The following ZNF638 variants were observed in gnomAD, a reference collection of about 807,000 sequenced individuals.
ZNF638 encodes the protein zinc finger protein 638.
ZNF638 carries 46 observed loss-of-function variants against 195.6 expected under a neutral mutation model. That is an observed-to-expected ratio of 0.24 (90% CI 0.19 to 0.30). The LOEUF (loss-of-function observed/expected upper bound fraction) is 0.30, where lower values mean the gene tolerates loss of function less well. Ranked by LOEUF, ZNF638 falls within the 10% of genes least tolerant of loss-of-function variation. The probability of loss-of-function intolerance (pLI) is 1.00; values close to 1 mark genes in which losing one functional copy is unlikely to be tolerated. For synonymous variants in ZNF638, 845 were observed against 772.0 expected, an observed-to-expected ratio of 1.09 and a Z score of -1.57; for missense variants, 2,440 against 2,325.3, an observed-to-expected ratio of 1.05 and a Z score of -1.01.
intron 8 of ZNF638, among the ~76,000 whole-genome samples, chr2:71,373,216 A>G (rs2079347777): frequency 6.6e-6 from 1 of 152,122 alleles, no homozygotes; most frequent in Admixed American, 6.5e-5. Context: ...CTTTTTGATT[A>G]TTCATTAACT....
At chr2:71,339,959 A>G (rs2078736897) in intron 1 of ZNF638, among the ~76,000 whole-genome samples, 1 of 152,226 alleles carries the variant, frequency 6.6e-6, no homozygotes. Context: ...ACATGCTCCT[A>G]AGAAATAAAA....
chr2:71,354,092 C>T (rs1485164582), intron 2 of ZNF638, among the ~76,000 whole-genome samples: 1 of 152,178 alleles, frequency 6.6e-6, no homozygotes, highest in Non-Finnish European at 1.5e-5. Flanking sequence ...TAGTTCTTGC[C>T]AAGGCAGAAT....
intron 20 of ZNF638, among the ~76,000 whole-genome samples, chr2:71,412,713 G>C (rs2080251412): frequency 1.4e-5 from 1 of 73,288 alleles, no homozygotes; most frequent in African/African-American, 5.9e-5. Flanking sequence ...AGTTTTCCCA[G>C]CACCATTTAT....
chr2:71,371,596 C>G (rs2079314471), intron 8 of ZNF638, among the ~76,000 whole-genome samples: 4 of 152,086 alleles, frequency 2.6e-5, no homozygotes, highest in Non-Finnish European at 5.9e-5. Flanking sequence ...CTGTGATGAT[C>G]AGTGATGTTG....
chr2:71,355,898 A>G (rs1309024361), intron 3 of ZNF638, 118 bp downstream of exon 3: 5 of 503,232 alleles, frequency 9.9e-6, no homozygotes, highest in Non-Finnish European at 1.7e-5. Flanking sequence ...TTGGAAAGCT[A>G]TTGTCTTTTA....
At chr2:71,408,697 C>T (rs1463489579) in intron 20 of ZNF638, 1 of 440,320 alleles carries the variant, frequency 2.3e-6, no homozygotes, top group Non-Finnish European at 4.6e-6. Context: ...TGTAGGAAAG[C>T]TATGGATAGT....
chr2:71,353,078 G>A (rs1423045690), intron 2 of ZNF638, among the ~76,000 whole-genome samples: 1 of 152,024 alleles, frequency 6.6e-6, no homozygotes, highest in African/African-American at 2.4e-5. Flanking sequence ...TTGCAGCCTC[G>A]TAAGTGTTCC....
intron 21 of ZNF638, 43 bp from the exon 22 acceptor site, chr2:71,422,767 TTGTG>T: frequency 1.3e-6 from 2 of 1,553,668 alleles, no homozygotes; most frequent in South Asian, 2.4e-5. Flanking sequence ...TGATTTTTGT[TTGTG>T]TTTTTGTTTG....
chr2:71,374,996 C>T (rs191464692), intron 8 of ZNF638: 27 of 152,056 alleles, frequency 1.8e-4, no homozygotes, highest in Admixed American at 1.4e-3. Context: ...TTTTTTTTTC[C>T]ATAAAGTTCT....
chr2:71,339,116 G>A lies in ZNF638; in HGVS notation c.-203+7241G>A, dbSNP rs186012631. 2.0e-5 allele frequency among the ~76,000 whole-genome samples: 3 copies of A among 151,106 alleles called. No individual in the cohort carries two copies. In the East Asian group the frequency reaches 5.8e-4, roughly 29 times the overall value. On this transcript the variant is annotated intron_variant, in intron 1 of 27. Transcript: ENST00000264447. Reference sequence around the variant, plus strand: ...TCATCTGCACTTGTAAAGACTTCAAGGCTTAAGGCTTTTAATGCATTTAGT... The same window carrying A: ...TCATCTGCACTTGTAAAGACTTCAAAGCTTAAGGCTTTTAATGCATTTAGT...
At chr2:71,420,804 C>CT (rs983236599) in intron 21 of ZNF638, among the ~76,000 whole-genome samples, 14 of 152,200 alleles carry the variant, frequency 9.2e-5, no homozygotes, top group African/African-American at 2.9e-4. Context: ...AATATTGAGG[C>CT]TTTTTTCCCA....
intron 26 of ZNF638, 30 bp downstream of exon 26, chr2:71,431,458 C>G: frequency 6.2e-7 from 1 of 1,603,088 alleles, no homozygotes; most frequent in South Asian, 1.1e-5. Flanking sequence ...TTTTTCTTAC[C>G]CATATGAAAT....
At position 71,431,405 on chromosome 2, in the gene ZNF638, C is replaced by T; in HGVS notation, c.5729C>T (p.Ser1910Leu). The change falls in exon 26 of 28, where the codon TCA becomes TTA. Residue 1910 changes from serine to leucine, a missense_variant. Coordinates refer to ENST00000264447, the MANE Select transcript of ZNF638 (RefSeq NM_014497.5). ...KKTEDSSSGK[S>L]VASDVPEELD... is the part of the protein sequence containing the mutation. ...ACTGAAGACTCTTCTTCAGGCAAATCAGTGGCGTCTGATGTCCCTGAGGGT... is the reference window on the plus strand; with the variant it reads ...ACTGAAGACTCTTCTTCAGGCAAATTAGTGGCGTCTGATGTCCCTGAGGGT... The T allele has an allele frequency of 3.1e-6, 5 of 1,613,946 alleles. No homozygotes were observed. The highest frequency in any genetic ancestry group is 4.2e-6 in the Non-Finnish European group (5 of 1,179,874).
In ZNF638 at chr2:71,427,292, A is replaced by C. The variant is rs754853053; in HGVS notation, c.5423A>C (p.Asn1808Thr). 1.1e-5 allele frequency: 18 copies of C among 1,613,622 alleles called. No individual in the cohort carries two copies. In the Admixed American group the frequency reaches 1.5e-4, roughly 13 times the overall value. ...GACCATCCCACAGATAAAAAAGGGA[A>C]TAGAAAGAAGAGAGCTGTGGACACA... ...KNDHPTDKKGNRKKRAVDTKK... is the reference protein window; with the variant it reads ...KNDHPTDKKGTRKKRAVDTKK... The change falls in exon 24 of 28, where the codon AAT becomes ACT. Residue 1808 changes from asparagine to threonine, a missense_variant. Transcript: ENST00000264447.
chr2:71,395,678 G>T (rs151294896), intron 10 of ZNF638: 24 of 483,810 alleles, frequency 5.0e-5, no homozygotes, highest in African/African-American at 4.1e-4. Context: ...AATACAAGCG[G>T]CTCCAGCTTA....
chr2:71,405,537 CTAAG>C (rs1236513130), intron 17 of ZNF638, 60 bp from the exon 18 acceptor site: 17 of 997,962 alleles, frequency 1.7e-5, no homozygotes, highest in Admixed American at 7.4e-5. Context: ...TAAATCTTAA[CTAAG>C]TAAGTATTTG....
chr2:71,417,413 G>T (rs994496918), intron 20 of ZNF638, among the ~76,000 whole-genome samples: 18 of 151,952 alleles, frequency 1.2e-4, no homozygotes, highest in African/African-American at 4.3e-4. Flanking sequence ...TACCTCAGAT[G>T]GAAATGCAGA....
At chr2:71,336,372 CAAAA>C (rs66593443) in intron 1 of ZNF638, among the ~76,000 whole-genome samples, 41 of 105,526 alleles carry the variant, frequency 3.9e-4, no homozygotes, top group African/African-American at 1.4e-3. Flanking sequence ...ATTCCATCTC[CAAAA>C]AAAAAAAAAA....
In ZNF638 at chr2:71,370,672, TA is replaced by T. The variant is rs1030027818; in HGVS notation, c.2265+675del. On this transcript the variant is annotated intron_variant, in intron 8 of 27. Transcript: ENST00000264447. ...GTGTTGAGAAAATATTTTTATATCT[TA>T]AAAAAAATTATTGTATTTTTAATTT... Among the ~76,000 whole-genome samples, 25 of 152,088 alleles carry T rather than the reference TA, an allele frequency of 1.6e-4. No homozygotes were observed. The East Asian group carries it at 2.3e-3, about 14-fold the overall frequency.
Sources: allele counts gnomAD v4.1 joint callset (sites outside exome capture counted in the v4.1 genomes callset), GRCh38; gene constraint gnomAD v4.1.1; transcripts MANE v1.5; gene names NCBI Gene and HGNC (gene_info 2026-07-23, HGNC 2026-07-21).